The following SLC35F1 variants were observed in gnomAD, a reference collection of about 807,000 sequenced individuals.
SLC35F1 encodes solute carrier family 35 member F1.
Under a neutral mutation model 48.7 loss-of-function variants are expected in SLC35F1, and 14 were observed. That is an observed-to-expected ratio of 0.29 (90% CI 0.19 to 0.45). The LOEUF is 0.45. Among genes scored for constraint, SLC35F1 ranks in the 20% least tolerant of loss-of-function variants. The pLI is 1.00. For synonymous variants in SLC35F1, 190 were observed against 202.2 expected, an observed-to-expected ratio of 0.94 and a Z score of 0.51; for missense variants, 404 against 500.0, an observed-to-expected ratio of 0.81 and a Z score of 1.83.
chr6:117,953,335 C>T (rs1299741294), intron 1 of SLC35F1, among the ~76,000 whole-genome samples: 2 of 151,980 alleles, frequency 1.3e-5, no homozygotes, highest in African/African-American at 2.4e-5. Flanking sequence ...ACATGACAAC[C>T]TTATTATTTG....
intron 1 of SLC35F1, among the ~76,000 whole-genome samples, chr6:118,016,762 C>T (rs1234084831): frequency 6.6e-6 from 1 of 152,182 alleles, no homozygotes; most frequent in Non-Finnish European, 1.5e-5. Flanking sequence ...TGGTTCTTCT[C>T]ATCCAAAAGC....
chr6:118,294,986 T>A (rs1582775109), intron 7 of SLC35F1, among the ~76,000 whole-genome samples: 1 of 152,292 alleles, frequency 6.6e-6, no homozygotes, highest in East Asian at 1.9e-4. Context: ...TTTAAATAAT[T>A]GCTTTGAGTT....
chr6:117,960,530 A>G (rs982395728), intron 1 of SLC35F1, among the ~76,000 whole-genome samples: 8 of 152,082 alleles, frequency 5.3e-5, no homozygotes, highest in South Asian at 2.1e-4. Context: ...ACATCTTACT[A>G]TGTCAGCTTT....
At chr6:118,165,933 A>G (rs1206261800) in intron 2 of SLC35F1, among the ~76,000 whole-genome samples, 1 of 152,186 alleles carries the variant, frequency 6.6e-6, no homozygotes, top group Non-Finnish European at 1.5e-5. Context: ...TATTTGGAAT[A>G]ATCAATGAAC....
intron 2 of SLC35F1, among the ~76,000 whole-genome samples, chr6:118,178,401 A>G (rs887824651): frequency 1.3e-5 from 2 of 152,084 alleles, no homozygotes; most frequent in African/African-American, 4.8e-5. Flanking sequence ...TTTGTATTCA[A>G]TGCAGCTGAC....
intron 1 of SLC35F1, among the ~76,000 whole-genome samples, chr6:118,074,535 C>T (rs895539127): frequency 6.6e-6 from 1 of 152,204 alleles, no homozygotes; most frequent in Non-Finnish European, 1.5e-5. Context: ...GGTTGTATGA[C>T]ATTCTCATGC....
intron 1 of SLC35F1, among the ~76,000 whole-genome samples, chr6:117,945,180 C>G (rs111947068): frequency 2.0e-5 from 3 of 152,142 alleles, no homozygotes; most frequent in Non-Finnish European, 2.9e-5. Context: ...CCAGTGCTGT[C>G]CCCATCCGTG....
In SLC35F1 at chr6:118,314,283, C is replaced by T. The variant is rs994831744; in HGVS notation, c.*31C>T. On this transcript the variant is annotated 3_prime_UTR_variant, in exon 8 of 8. Coordinates refer to ENST00000360388, the MANE Select transcript of SLC35F1 (RefSeq NM_001029858.4). Reference sequence around the variant, plus strand: ...GGCCCGCCCTGCCAACTGAGGCCAACTCATTGGCCATGTTTTTGCCCATCA... The same window carrying T: ...GGCCCGCCCTGCCAACTGAGGCCAATTCATTGGCCATGTTTTTGCCCATCA... 3.8e-6 allele frequency: 6 copies of T among 1,581,232 alleles called. No individual in the cohort carries two copies. In the African/African-American group the frequency reaches 5.4e-5, roughly 14 times the overall value.
At chr6:117,963,036 G>C (rs767935813) in intron 1 of SLC35F1, among the ~76,000 whole-genome samples, 45 of 152,110 alleles carry the variant, frequency 3.0e-4, no homozygotes, top group Non-Finnish European at 4.6e-4. Context: ...CCATTGGAGG[G>C]GAGGGGGAAG....
At chr6:118,132,894 C>A (rs1053652607) in intron 1 of SLC35F1, among the ~76,000 whole-genome samples, 1 of 152,152 alleles carries the variant, frequency 6.6e-6, no homozygotes, top group African/African-American at 2.4e-5. Context: ...TTCGTATCAA[C>A]ATGGTTGTCG....
chr6:117,914,085 C>CTAT (rs1775796582), intron 1 of SLC35F1, among the ~76,000 whole-genome samples: 1 of 145,150 alleles, frequency 6.9e-6, no homozygotes, highest in African/African-American at 2.6e-5. Context: ...ACAAAAGAAT[C>CTAT]CTATCTATCT....
intron 3 of SLC35F1, among the ~76,000 whole-genome samples, chr6:118,264,072 A>G: frequency 6.6e-6 from 1 of 152,192 alleles, no homozygotes; most frequent in Non-Finnish European, 1.5e-5. Context: ...AGGACTTAGG[A>G]AGCCTCAACT....
At chr6:117,978,046 A>T (rs1776727119) in intron 1 of SLC35F1, among the ~76,000 whole-genome samples, 1 of 152,314 alleles carries the variant, frequency 6.6e-6, no homozygotes, top group Admixed American at 6.5e-5. Context: ...TTTCTGATAA[A>T]CTAATACAAG....
intron 1 of SLC35F1, among the ~76,000 whole-genome samples, chr6:118,004,748 A>G (rs1236077498): frequency 6.6e-6 from 1 of 151,906 alleles, no homozygotes; most frequent in East Asian, 1.9e-4. Context: ...TTCCTTGTAG[A>G]GATGAAGTCT....
chr6:118,175,422 AT>A (rs1233424258), intron 2 of SLC35F1, among the ~76,000 whole-genome samples: 1 of 152,156 alleles, frequency 6.6e-6, no homozygotes, highest in East Asian at 1.9e-4. Context: ...AGGATATCCT[AT>A]TTTTATCAGT....
intron 1 of SLC35F1, among the ~76,000 whole-genome samples, chr6:118,061,572 TTGTG>T (rs71012378): frequency 1.4e-5 from 2 of 147,136 alleles, no homozygotes; most frequent in African/African-American, 2.5e-5. Flanking sequence ...ATATATACAT[TTGTG>T]TGTGTGTGTG....
intron 1 of SLC35F1, chr6:117,999,263 G>A: frequency 6.3e-7 from 1 of 1,595,806 alleles, no homozygotes; most frequent in Non-Finnish European, 8.5e-7. Context: ...CGATCGACAT[G>A]CCTACGTTGC....
At chr6:118,263,975 C>G (rs1336367300) in intron 3 of SLC35F1, among the ~76,000 whole-genome samples, 1 of 152,200 alleles carries the variant, frequency 6.6e-6, no homozygotes, top group Non-Finnish European at 1.5e-5. Flanking sequence ...TTGACCTTCA[C>G]TAAAACATTG....
intron 2 of SLC35F1, among the ~76,000 whole-genome samples, chr6:118,220,666 C>G (rs1383489057): frequency 6.6e-6 from 1 of 152,212 alleles, no homozygotes; most frequent in East Asian, 1.9e-4. Flanking sequence ...CAGAAAGCAA[C>G]AGCTTTCAAA....
Sources: allele counts gnomAD v4.1 joint callset (sites outside exome capture counted in the v4.1 genomes callset), GRCh38; gene constraint gnomAD v4.1.1; transcripts MANE v1.5; gene names NCBI Gene and HGNC (gene_info 2026-07-23, HGNC 2026-07-21).